Variants in SLIT2 observed in about 807,000 individuals in gnomAD.
SLIT2 encodes slit guidance ligand 2, also known as slit homolog 2 protein.
SLIT2 carries 41 observed loss-of-function variants against 185.7 expected under a neutral mutation model. The observed-to-expected ratio is 0.22, with a 90% CI of 0.17 to 0.29. The LOEUF is 0.29. Among genes scored for constraint, SLIT2 ranks in the 10% least tolerant of loss-of-function variants. The pLI is 1.00. For missense variants in SLIT2, 1,571 were observed against 1,909.0 expected, an observed-to-expected ratio of 0.82 and a Z score of 3.30; for synonymous variants, 693 against 680.2, an observed-to-expected ratio of 1.02 and a Z score of -0.29.
At chr4:20,517,241 C>T (rs1315241992) in intron 11 of SLIT2, among the ~76,000 whole-genome samples, 2 of 152,256 alleles carry the variant, frequency 1.3e-5, no homozygotes, top group East Asian at 3.9e-4. Context: ...CATATCAGTG[C>T]CTGAGACATG....
chr4:20,465,423 G>A (rs1228842219), intron 4 of SLIT2, among the ~76,000 whole-genome samples: 1 of 152,154 alleles, frequency 6.6e-6, no homozygotes, highest in Non-Finnish European at 1.5e-5. Flanking sequence ...AAATTTGTTA[G>A]TTTCTTCCTC....
chr4:20,363,628 T>C (rs1049455629), intron 4 of SLIT2, among the ~76,000 whole-genome samples: 3 of 152,096 alleles, frequency 2.0e-5, no homozygotes, highest in Admixed American at 2.0e-4. Context: ...ATAAAATTAA[T>C]TCCAGGAAGA....
At chr4:20,303,636 A>T (rs1717266567) in intron 4 of SLIT2, among the ~76,000 whole-genome samples, 1 of 152,162 alleles carries the variant, frequency 6.6e-6, no homozygotes, top group African/African-American at 2.4e-5. Context: ...CGCTCCACTG[A>T]ATGGATAAAC....
chr4:20,472,329 T>TATATATAGAG (rs1715274002), intron 5 of SLIT2, among the ~76,000 whole-genome samples: 1 of 92,856 alleles, frequency 1.1e-5, no homozygotes, highest in Non-Finnish European at 2.0e-5. Flanking sequence ...TATATATCTA[T>TATATATAGAG]ATATAGATCT....
chr4:20,548,029 A>G (rs1177137037), intron 22 of SLIT2, among the ~76,000 whole-genome samples: 2 of 152,090 alleles, frequency 1.3e-5, no homozygotes, highest in African/African-American at 2.4e-5. Context: ...CAGTGAACAT[A>G]TGTATCAATG....
intron 5 of SLIT2, among the ~76,000 whole-genome samples, chr4:20,478,393 A>G (rs1446956795): frequency 6.6e-6 from 1 of 152,236 alleles, no homozygotes; most frequent in Non-Finnish European, 1.5e-5. Flanking sequence ...GAAGAAGCGT[A>G]TAACCATGAG....
chr4:20,374,036 C>G (rs568676868), intron 4 of SLIT2, among the ~76,000 whole-genome samples: 5 of 152,094 alleles, frequency 3.3e-5, no homozygotes, highest in Admixed American at 2.0e-4. Context: ...ACAATTTAAA[C>G]TGCCTAAGTG....
intron 25 of SLIT2, among the ~76,000 whole-genome samples, chr4:20,553,601 C>A (rs920418855): frequency 7.2e-5 from 11 of 152,328 alleles, no homozygotes; most frequent in African/African-American, 2.2e-4. Context: ...CAGTGCACAT[C>A]ATTCAGGAAA....
chr4:20,598,417 G>T (rs1728149807), intron 33 of SLIT2, 22 bp downstream of exon 33: 4 of 1,613,312 alleles, frequency 2.5e-6, no homozygotes, highest in African/African-American at 1.3e-5. Flanking sequence ...TCAGTTACGG[G>T]TAAAGGTGAA....
rs1340262706 is a variant in SLIT2, at chr4:20,616,893, C to T, written c.3848-17C>T. 2 of 1,576,710 alleles carry T rather than the reference C, an allele frequency of 1.3e-6. No individual in the cohort carries two copies. Among genetic ancestry groups the T allele is most frequent in the Non-Finnish European group, 1.7e-6 (2 of 1,155,330 alleles). On this transcript the variant is annotated splice_polypyrimidine_tract_variant and intron_variant, in intron 34 of 36. Transcript: ENST00000504154. ...ATCCCCAGAGAGCCTGACCTCTGAC[C>T]TGGTGTTCCTCCCCAGGCATGCCAG...
At chr4:20,602,178 C>A (rs141944242) in intron 33 of SLIT2, among the ~76,000 whole-genome samples, 142 of 152,068 alleles carry the variant, frequency 9.3e-4, no homozygotes, top group African/African-American at 3.1e-3. Context: ...AATTTGCTGC[C>A]CTTCAAAAAG....
intron 22 of SLIT2, among the ~76,000 whole-genome samples, chr4:20,547,443 A>G (rs1043286631): frequency 2.6e-5 from 4 of 152,082 alleles, no homozygotes; most frequent in Non-Finnish European, 5.9e-5. Context: ...CTGCTAATAC[A>G]GATACTTTTA....
chr4:20,334,426 A>C (rs529702915), intron 4 of SLIT2, among the ~76,000 whole-genome samples: 1 of 152,194 alleles, frequency 6.6e-6, no homozygotes, highest in East Asian at 1.9e-4. Context: ...TTCTTACCCT[A>C]GTATCTCAAA....
At chr4:20,575,293 A>G (rs562511850) in intron 29 of SLIT2, among the ~76,000 whole-genome samples, 1 of 152,362 alleles carries the variant, frequency 6.6e-6, no homozygotes, top group East Asian at 1.9e-4. Context: ...TTTTAAAAGC[A>G]GTCAAATCAT....
intron 9 of SLIT2, among the ~76,000 whole-genome samples, chr4:20,506,477 A>G (rs939702620): frequency 2.0e-5 from 3 of 151,970 alleles, no homozygotes; most frequent in Non-Finnish European, 4.4e-5. Context: ...AGATTACAGG[A>G]CAGCAATGCT....
At chr4:20,594,369 AT>A (rs912113681) in intron 30 of SLIT2, among the ~76,000 whole-genome samples, 2 of 151,790 alleles carry the variant, frequency 1.3e-5, no homozygotes, top group African/African-American at 4.8e-5. Context: ...AGTTATGTGT[AT>A]ATGTATGTAT....
At chr4:20,543,664 T>C (rs139385346) in intron 21 of SLIT2, among the ~76,000 whole-genome samples, 1 of 152,318 alleles carries the variant, frequency 6.6e-6, no homozygotes, top group East Asian at 1.9e-4. Context: ...GTCATTTCAA[T>C]TTTTAAGGAT....
chr4:20,416,346 G>A (rs1405009835), intron 4 of SLIT2, among the ~76,000 whole-genome samples: 1 of 152,086 alleles, frequency 6.6e-6, no homozygotes, highest in Non-Finnish European at 1.5e-5. Flanking sequence ...CTCTGTGCAA[G>A]CACTCTATAC....
At chr4:20,602,059 T>C (rs570885555) in intron 33 of SLIT2, among the ~76,000 whole-genome samples, 29 of 152,324 alleles carry the variant, frequency 1.9e-4, no homozygotes, top group African/African-American at 6.7e-4. Context: ...ATAATACACT[T>C]ATTAATTCTA....
Sources: allele counts gnomAD v4.1 joint callset (sites outside exome capture counted in the v4.1 genomes callset), GRCh38; gene constraint gnomAD v4.1.1; transcripts MANE v1.5; gene names NCBI Gene and HGNC (gene_info 2026-07-23, HGNC 2026-07-21).